HEATR5B: variants seen among roughly 807,000 people sequenced by gnomAD.
HEATR5B encodes HEAT repeat-containing protein 5B.
Under a neutral mutation model 224.1 loss-of-function variants are expected in HEATR5B, and 156 were observed. The ratio of observed to expected loss-of-function variants is 0.70; its 90% CI spans 0.61 to 0.80. The LOEUF is 0.80. HEATR5B is among the 30% of genes least tolerant of loss of function. The pLI is 0.00. For missense variants in HEATR5B, 2,323 were observed against 2,535.5 expected (o/e 0.92, Z 1.80); for synonymous variants, 1,027 against 893.0 (o/e 1.15, Z -2.68).
chr2:37,039,262 C>T (rs1233270967), intron 20 of HEATR5B, among the ~76,000 whole-genome samples: 4 of 151,510 alleles, frequency 2.6e-5, no homozygotes, highest in African/African-American at 9.7e-5. Context: ...GTCAGGAGTT[C>T]GAGACCAGCC....
chr2:37,079,770 A>G (rs78735542), intron 2 of HEATR5B, among the ~76,000 whole-genome samples: 1 of 151,746 alleles, frequency 6.6e-6, no homozygotes, highest in African/African-American at 2.4e-5. Context: ...AGACAACAGG[A>G]AAAAAAAATA....
chr2:37,041,788 CAT>C (rs1462304179), intron 18 of HEATR5B, among the ~76,000 whole-genome samples: 1 of 150,818 alleles, frequency 6.6e-6, no homozygotes, highest in East Asian at 1.9e-4. Flanking sequence ...TGGTTAAAAA[CAT>C]ATATTTGACT....
rs376093559 is a variant in HEATR5B, at chr2:37,034,430, G to A, written c.3217-1657C>T. ...AGATCGAGACCATCCCGGCTAAAAC[G>A]GTGAAACCCCGTCTCTACTAAAAAT... On this transcript the variant is annotated intron_variant, in intron 21 of 35. Coordinates refer to ENST00000233099, the MANE Select transcript of HEATR5B (RefSeq NM_019024.3). Among the ~76,000 whole-genome samples the A allele has an allele frequency of 6.6e-4, 94 of 141,752 alleles. No homozygotes were observed. In the East Asian group the frequency reaches 0.017, roughly 25 times the overall value. 93.0% of individuals were successfully genotyped at this position (141,752 alleles called of 152,430 possible). A position where few individuals can be genotyped will look rare whatever the true frequency, so the allele number is the denominator to read the frequency against.
intron 18 of HEATR5B, among the ~76,000 whole-genome samples, chr2:37,047,035 CA>C (rs57343074): frequency 9.1e-3 from 414 of 45,436 alleles, no homozygotes; most frequent in Non-Finnish European, 0.012. Context: ...GACTCCACCT[CA>C]AAAAAAAAAA....
chr2:36,999,382 A>C (rs1666938556), intron 33 of HEATR5B, among the ~76,000 whole-genome samples: 1 of 152,140 alleles, frequency 6.6e-6, no homozygotes, highest in African/African-American at 2.4e-5. Context: ...TAACACATGT[A>C]AATTCTGGAG....
At chr2:37,071,670 A>G (rs1395035445) in intron 6 of HEATR5B, among the ~76,000 whole-genome samples, 1 of 150,406 alleles carries the variant, frequency 6.6e-6, no homozygotes, top group African/African-American at 2.4e-5. Context: ...GGAAAATGCC[A>G]TTTGGGTTCT....
chr2:37,024,738 C>G (rs1297971487), intron 24 of HEATR5B, among the ~76,000 whole-genome samples: 2 of 152,128 alleles, frequency 1.3e-5, no homozygotes, highest in Non-Finnish European at 2.9e-5. Context: ...TATTATTTCT[C>G]CTGCACTCTA....
chr2:37,058,367 G>T, intron 14 of HEATR5B, 84 bp downstream of exon 14: 2 of 772,700 alleles, frequency 2.6e-6, no homozygotes, highest in East Asian at 5.2e-5. Flanking sequence ...GTAAGTCAGT[G>T]GGAGAGCCTT....
chr2:37,025,634 A>G (rs907666393), intron 24 of HEATR5B, among the ~76,000 whole-genome samples: 2 of 151,642 alleles, frequency 1.3e-5, no homozygotes, highest in African/African-American at 4.9e-5. Context: ...TAAGATTACT[A>G]ATGAAGGCAG....
intron 5 of HEATR5B, among the ~76,000 whole-genome samples, chr2:37,073,016 A>C (rs1024277776): frequency 2.6e-5 from 4 of 152,224 alleles, no homozygotes; most frequent in African/African-American, 9.6e-5. Flanking sequence ...CAGTGAATTC[A>C]ACAAAATGTT....
chr2:37,006,977 C>G, intron 29 of HEATR5B, 73 bp downstream of exon 29: 16 of 1,467,314 alleles, frequency 1.1e-5, no homozygotes, highest in Non-Finnish European at 1.5e-5. Flanking sequence ...CAAAATCTTT[C>G]CATAGCTTTA....
chr2:37,001,437 T>C (rs1010874732), intron 32 of HEATR5B, among the ~76,000 whole-genome samples: 7 of 152,116 alleles, frequency 4.6e-5, no homozygotes, highest in African/African-American at 7.2e-5. Flanking sequence ...TTCACATATG[T>C]AGGGTAACTC....
At chr2:37,068,075 C>A (rs766699405) in intron 8 of HEATR5B, among the ~76,000 whole-genome samples, 197 of 152,164 alleles carry the variant, frequency 1.3e-3, no homozygotes, top group Non-Finnish European at 2.2e-3. Context: ...TAGTTTATAA[C>A]TGGATTAAAA....
At position 37,038,139 on chromosome 2, in the gene HEATR5B, T is replaced by C. The variant is rs557550887; in HGVS notation, c.3047-115A>G. The C allele has an allele frequency of 6.8e-5, 51 of 746,932 alleles. No homozygotes were observed. The South Asian group carries it at 1.9e-3, about 28-fold the overall frequency. The allele number at this position is 746,932 out of a possible 1,614,324, so 46.3% of individuals were successfully genotyped here. A position where few individuals can be genotyped will look rare whatever the true frequency, so the allele number is the denominator to read the frequency against. Reference sequence around the variant, plus strand: ...CATTCTATCCAATTATTATTCAGGTTTTTTTTGCTGTTGTTTTTGAGATGG... The same window carrying C: ...CATTCTATCCAATTATTATTCAGGTCTTTTTTGCTGTTGTTTTTGAGATGG... On this transcript the variant is annotated intron_variant, in intron 20 of 35. Transcript: ENST00000233099.
intron 26 of HEATR5B, among the ~76,000 whole-genome samples, chr2:37,019,435 ATAT>A (rs1224661423): frequency 6.6e-6 from 1 of 151,800 alleles, no homozygotes; most frequent in Non-Finnish European, 1.5e-5. Context: ...CAAGATAAAA[ATAT>A]TATTTTGTTT....
At chr2:37,058,780 A>C in intron 13 of HEATR5B, 108 bp downstream of exon 13, 1 of 742,306 alleles carries the variant, frequency 1.3e-6, no homozygotes, top group South Asian at 2.0e-5. Flanking sequence ...TACAAAAATA[A>C]AGTTTTATGT....
rs536869611 is a variant in HEATR5B at position 37,068,722 on chromosome 2, T to C, written c.1136A>G (p.Lys379Arg). Reference protein sequence around the residue: ...LGEKAQIAAAKEICQAIGKQM... With the variant: ...LGEKAQIAAAREICQAIGKQM... ...TTTTCCAATAGCTTGGCAGATTTCT[T>C]TGGCAGCTGCAATCTGGGCTTTTTC... Residue 379 changes from lysine (K) to arginine (R), a missense_variant, in exon 8 of 36, where the codon AAA becomes AGA. Lys to Arg is a conservative substitution (Grantham distance 26, BLOSUM62 2). This residue lies in a region of HEATR5B where 502 missense variants were observed against 517.8 expected (regional missense o/e 0.97). Transcript: ENST00000233099. The C allele has an allele frequency of 1.9e-6, 3 of 1,614,152 alleles. No homozygotes were observed. The highest frequency in any genetic ancestry group is 2.2e-5 in the East Asian group (1 of 44,878).
At chr2:37,077,560 G>A (rs889639690) in intron 3 of HEATR5B, among the ~76,000 whole-genome samples, 3 of 152,140 alleles carry the variant, frequency 2.0e-5, no homozygotes, top group Non-Finnish European at 2.9e-5. Flanking sequence ...CGCCTGCCTC[G>A]GCCTCCCAAA....
rs773128880 is a variant in HEATR5B at position 37,002,555 on chromosome 2, T to C, written c.5068A>G (p.Lys1690Glu). The change falls in exon 32 of 36, where the codon AAA becomes GAA. Residue 1690 changes from lysine (K) to glutamate (E), a missense_variant. Around this residue, in one of 12 missense-constraint regions of HEATR5B, gnomAD observed 844 missense variants for 812.9 expected, o/e 1.04. Coordinates refer to ENST00000233099, the MANE Select transcript of HEATR5B (RefSeq NM_019024.3). ...RNTLNEDDME[K>E]EACTVLGEGG... ...TCTCCCAATACGGTACAGGCCTCTTTTTCCATATCATCTTCATCTGAGGTA... is the reference window on the plus strand; with the variant it reads ...TCTCCCAATACGGTACAGGCCTCTTCTTCCATATCATCTTCATCTGAGGTA... The C allele has an allele frequency of 6.2e-7, 1 of 1,613,918 alleles. No individual in the cohort carries two copies. The highest frequency in any genetic ancestry group is 8.5e-7 in the Non-Finnish European group (1 of 1,179,870).
Sources: allele counts gnomAD v4.1 joint callset (sites outside exome capture counted in the v4.1 genomes callset), GRCh38; gene constraint gnomAD v4.1.1; regional missense constraint gnomAD v4.1.1; transcripts MANE v1.5; gene names NCBI Gene and HGNC (gene_info 2026-07-23, HGNC 2026-07-21).